The following ME2 variants were observed in gnomAD, a reference collection of about 807,000 sequenced individuals.
ME2 encodes NAD-dependent malic enzyme, mitochondrial.
Under a neutral mutation model 73.7 loss-of-function variants are expected in ME2, and 60 were observed. The observed-to-expected ratio is 0.81, with a 90% CI of 0.66 to 1.01. ME2 has a LOEUF of 1.01. ME2 is among the 50% of genes least tolerant of loss of function. ME2 has a pLI of 0.00. For synonymous variants in ME2, 199 were observed against 236.9 expected (o/e 0.84, Z 1.47); for missense variants, 594 against 705.5 (o/e 0.84, Z 1.79).
chr18:50,891,332 A>C (rs1180297301), intron 1 of ME2, among the ~76,000 whole-genome samples: 1 of 152,168 alleles, frequency 6.6e-6, no homozygotes, highest in East Asian at 1.9e-4. Context: ...TACAAGGTGG[A>C]GTGGCCTTCT....
chr18:50,909,857 A>T (rs1917104925), intron 3 of ME2, among the ~76,000 whole-genome samples: 1 of 152,074 alleles, frequency 6.6e-6, no homozygotes, highest in African/African-American at 2.4e-5. Flanking sequence ...TAGGGAAAGG[A>T]AAAAGGCATA....
At chr18:50,885,985 A>G (rs569547191) in intron 1 of ME2, among the ~76,000 whole-genome samples, 1 of 152,278 alleles carries the variant, frequency 6.6e-6, no homozygotes, top group Non-Finnish European at 1.5e-5. Flanking sequence ...TAAAAATAAA[A>G]TCAATGGAGT....
intron 7 of ME2, among the ~76,000 whole-genome samples, 172 bp from the exon 8 acceptor site, chr18:50,920,284 A>G (rs1021313198): frequency 6.6e-6 from 1 of 152,108 alleles, no homozygotes; most frequent in Non-Finnish European, 1.5e-5. Context: ...TTTTTATTGA[A>G]TAATTTCTAC....
intron 12 of ME2, among the ~76,000 whole-genome samples, chr18:50,927,004 T>A (rs1254025696): frequency 3.3e-5 from 5 of 152,210 alleles, no homozygotes; most frequent in African/African-American, 1.2e-4. Flanking sequence ...TTTTTTTGAG[T>A]CATCTGGCGC....
At chr18:50,912,534 C>T (rs1050796093) in intron 3 of ME2, among the ~76,000 whole-genome samples, 1 of 152,182 alleles carries the variant, frequency 6.6e-6, no homozygotes, top group Admixed American at 6.5e-5. Flanking sequence ...TCTACAGAGC[C>T]TGACCCACAG....
At chr18:50,925,684 A>G in intron 11 of ME2, 72 bp from the exon 12 acceptor site, 3 of 1,286,466 alleles carry the variant, frequency 2.3e-6, no homozygotes, top group South Asian at 1.3e-5. Flanking sequence ...GGCCTATTGT[A>G]GAAATGCTAT....
chr18:50,913,868 C>T (rs1465155696), intron 4 of ME2, among the ~76,000 whole-genome samples: 4 of 151,710 alleles, frequency 2.6e-5, no homozygotes, highest in East Asian at 3.9e-4. Flanking sequence ...TATACACACA[C>T]ACACACACAC....
chr18:50,942,259 GT>G (rs1599128280), intron 15 of ME2, among the ~76,000 whole-genome samples: 1 of 152,074 alleles, frequency 6.6e-6, no homozygotes, highest in East Asian at 1.9e-4. Flanking sequence ...TAATGCGTCC[GT>G]TGTTTACAGT....
chr18:50,929,149 A>G (rs948968375), intron 12 of ME2, among the ~76,000 whole-genome samples: 6 of 151,482 alleles, frequency 4.0e-5, no homozygotes, highest in South Asian at 2.1e-4. Flanking sequence ...TACTTTTGAT[A>G]TATTTGGCAT....
At chr18:50,879,440 G>T (rs1319305672) in intron 1 of ME2, 132 bp downstream of exon 1, 2 of 152,234 alleles carry the variant, frequency 1.3e-5, no homozygotes, top group Non-Finnish European at 2.9e-5. Flanking sequence ...CGCCGTTCCC[G>T]GCCTGGCGGT....
Position 50,920,667 on chromosome 18 carries a change from C to T in ME2, c.851C>T (p.Ala284Val). 2 of 1,603,938 alleles carry T rather than the reference C, an allele frequency of 1.2e-6. No homozygotes were observed. The highest frequency in any genetic ancestry group is 1.7e-6 in the Non-Finnish European group (2 of 1,177,468). The change falls in exon 9 of 16, where the codon GCT becomes GTT. Residue 284 changes from alanine (A) to valine (V), a missense_variant. Transcript: ENST00000321341. Reference protein sequence around the residue: ...CTFNDDIQGTAAVALAGLLAA... With the variant: ...CTFNDDIQGTVAVALAGLLAA... ...ATCTTTGTTTTTCTTACAGGGACAG[C>T]TGCAGTAGCTCTAGCAGGTCTTCTT... is the stretch of plus-strand genomic sequence containing the variant.
chr18:50,901,206 A>T (rs190064496), intron 2 of ME2, among the ~76,000 whole-genome samples: 287 of 152,336 alleles, frequency 1.9e-3, no homozygotes, highest in South Asian at 1.2e-3. Context: ...GCCTATCCGT[A>T]TTGAGGTTAA....
chr18:50,939,701 A>C (rs1917901601), intron 14 of ME2, 61 bp downstream of exon 14: 1 of 1,146,540 alleles, frequency 8.7e-7, no homozygotes, highest in African/African-American at 1.5e-5. Flanking sequence ...AGTAGATCTG[A>C]AAATTAAAGG....
In ME2 at chr18:50,952,083, T is replaced by A. The variant is rs1403333802; in HGVS notation, c.*4899T>A. 6.6e-6 allele frequency: 1 copy of A among 152,084 alleles called. No homozygotes were observed. The highest frequency in any genetic ancestry group is 1.5e-5 in the Non-Finnish European group (1 of 68,022). 9.4% of individuals were successfully genotyped at this position (152,084 alleles called of 1,614,324 possible). On this transcript the variant is annotated 3_prime_UTR_variant, in exon 16 of 16. Transcript: ENST00000321341. ...CAAGACAAGACCACACGTGTTCAGG[T>A]GCCATGTATTCATATAGCTCTCAAC...
intron 4 of ME2, chr18:50,913,187 G>A (rs1433091181): frequency 3.3e-6 from 1 of 301,664 alleles, no homozygotes; most frequent in East Asian, 5.9e-5. Flanking sequence ...ATTGTTAGAG[G>A]AATTACATAC....
At chr18:50,929,637 C>G (rs1318252952) in intron 12 of ME2, among the ~76,000 whole-genome samples, 2 of 152,096 alleles carry the variant, frequency 1.3e-5, no homozygotes, top group Non-Finnish European at 2.9e-5. Flanking sequence ...ATTGAAATCT[C>G]TTCTTCTAAA....
intron 12 of ME2, among the ~76,000 whole-genome samples, chr18:50,931,408 C>T (rs1917686231): frequency 6.6e-6 from 1 of 152,176 alleles, no homozygotes; most frequent in Admixed American, 6.5e-5. Context: ...TGATGTGTGA[C>T]TTTTGACAAA....
rs1344510782 is a variant in ME2 at position 50,947,044 on chromosome 18, A to C, written c.1615A>C (p.Met539Leu). 1 of 1,613,494 alleles carries C rather than the reference A, an allele frequency of 6.2e-7. No homozygotes were observed. Among genetic ancestry groups the C allele is most frequent in the African/African-American group, 1.3e-5 (1 of 74,918 alleles). ...TACAGAATACCTATATGCTAATAAA[A>C]TGGCTTTCCGATACCCAGAACCTGA... ...KVTEYLYANK[M>L]AFRYPEPEDK... Residue 539 changes from methionine to leucine, a missense_variant, in exon 16 of 16, where the codon ATG becomes CTG. Coordinates refer to ENST00000321341, the MANE Select transcript of ME2 (RefSeq NM_002396.5).
intron 1 of ME2, among the ~76,000 whole-genome samples, chr18:50,894,152 G>C (rs1194496286): frequency 1.3e-5 from 2 of 152,208 alleles, no homozygotes; most frequent in African/African-American, 2.4e-5. Flanking sequence ...AATCACACTT[G>C]ATTTCAAAGG....
Sources: allele counts gnomAD v4.1 joint callset (sites outside exome capture counted in the v4.1 genomes callset), GRCh38; gene constraint gnomAD v4.1.1; transcripts MANE v1.5; gene names NCBI Gene and HGNC (gene_info 2026-07-23, HGNC 2026-07-21).